Variants in E2F8 observed in about 807,000 individuals in gnomAD.
E2F8 encodes the protein transcription factor E2F8.
E2F8 carries 35 observed loss-of-function variants against 80.8 expected under a neutral mutation model. The observed-to-expected ratio is 0.43, with a 90% CI of 0.33 to 0.57. The LOEUF (loss-of-function observed/expected upper bound fraction) is 0.57, where lower values mean the gene tolerates loss of function less well. Ranked by LOEUF, E2F8 falls within the 20% of genes least tolerant of loss-of-function variation. The pLI is 0.04. For missense variants in E2F8, 975 were observed against 1,056.2 expected, an observed-to-expected ratio of 0.92 and a Z score of 1.07; for synonymous variants, 386 against 395.0, an observed-to-expected ratio of 0.98 and a Z score of 0.27.
rs1288903002 is a variant in E2F8, at chr11:19,230,273, A to G, written c.1326T>C (p.Ala442=). ...GCTCTTCTAACTGCATTTTACAAATAGCTGCGAGCTGAGCCATTTTACTTG... is the reference window on the plus strand; with the variant it reads ...GCTCTTCTAACTGCATTTTACAAATGGCTGCGAGCTGAGCCATTTTACTTG... ...PFPSKMAQLA[A]ICKMQLEEQS... is the part of the protein sequence containing the mutation. Residue 442 remains alanine (A), a synonymous_variant, in exon 9 of 13, where the codon GCT becomes GCC. Transcript: ENST00000250024. 1.2e-6 allele frequency: 2 copies of G among 1,613,886 alleles called. No homozygotes were observed. Among genetic ancestry groups the G allele is most frequent in the East Asian group, 4.5e-5 (2 of 44,882 alleles).
At chr11:19,225,991 C>A (rs1660074395) in intron 10 of E2F8, 127 bp from the exon 11 acceptor site, 2 of 1,137,358 alleles carry the variant, frequency 1.8e-6, no homozygotes, top group Non-Finnish European at 2.5e-6. Flanking sequence ...GCGGAGTGGG[C>A]TGCAGGCAGG....
At chr11:19,233,572 C>T (rs910937975) in intron 6 of E2F8, among the ~76,000 whole-genome samples, 4 of 152,030 alleles carry the variant, frequency 2.6e-5, no homozygotes, top group Non-Finnish European at 5.9e-5. Context: ...ACTGCAAGCG[C>T]CGCCTCCCAG....
At chr11:19,237,594 G>T in intron 3 of E2F8, 124 bp from the exon 4 acceptor site, 1 of 1,159,862 alleles carries the variant, frequency 8.6e-7, no homozygotes. Flanking sequence ...TGCAAAGTCT[G>T]GATGGGAGAA....
In E2F8 at chr11:19,240,090, C is replaced by A; in HGVS notation, c.15+17G>T. ...GAATTTAAAATTGCAATGATGAATA[C>A]TGAAGTTATAAAGTACCTTTTCGTT... On this transcript the variant is annotated intron_variant, in intron 2 of 12. Transcript: ENST00000250024. 1 of 1,520,228 alleles carries A rather than the reference C, an allele frequency of 6.6e-7. No individual in the cohort carries two copies. Among genetic ancestry groups the A allele is most frequent in the Non-Finnish European group, 8.9e-7 (1 of 1,128,164 alleles). The allele number at this position is 1,520,228 out of a possible 1,614,324, so 94.2% of individuals were successfully genotyped here. A position where few individuals can be genotyped will look rare whatever the true frequency, so the allele number is the denominator to read the frequency against.
chr11:19,233,636 C>T (rs1190152971), intron 6 of E2F8, among the ~76,000 whole-genome samples: 1 of 151,876 alleles, frequency 6.6e-6, no homozygotes, highest in African/African-American at 2.4e-5. Context: ...TACAGGTGCA[C>T]GCCACCACGC....
At chr11:19,230,471 A>G in intron 8 of E2F8, 143 bp from the exon 9 acceptor site, 2 of 1,189,258 alleles carry the variant, frequency 1.7e-6, no homozygotes, top group East Asian at 2.5e-5. Flanking sequence ...AACCCCACAA[A>G]TGACTTTTTA....
Position 19,225,867 on chromosome 11 carries a change from A to G in E2F8, c.1894-3T>C, listed in dbSNP as rs1163357096. ...AGGTATCCTGATGGGAACAAGGTCT[A>G]GAAAACAAGGAGGAAGGGTTTATTT... On this transcript the variant is annotated splice_polypyrimidine_tract_variant and splice_region_variant and intron_variant, in intron 10 of 12. Transcript: ENST00000250024. 1 of 1,612,040 alleles carries G rather than the reference A, an allele frequency of 6.2e-7. No homozygotes were observed. Among genetic ancestry groups the G allele is most frequent in the African/African-American group, 1.3e-5 (1 of 74,804 alleles).
At chr11:19,231,085 T>C in intron 7 of E2F8, among the ~76,000 whole-genome samples, 1 of 152,198 alleles carries the variant, frequency 6.6e-6, no homozygotes, top group East Asian at 1.9e-4. Context: ...AGAGTGTAGT[T>C]ATTAGTGATT....
Position 19,231,351 on chromosome 11 carries a change from G to A in E2F8, c.1067-517C>T, listed in dbSNP as rs141936851. 1.8e-4 allele frequency among the ~76,000 whole-genome samples: 28 copies of A among 152,300 alleles called. No homozygotes were observed. The East Asian group carries it at 2.9e-3, about 16-fold the overall frequency. Reference sequence around the variant, plus strand: ...GAATTTTCACTCCAAATTCCTGCACGAAAGGACCTCTCTCTGAGATTATAC... The same window carrying A: ...GAATTTTCACTCCAAATTCCTGCACAAAAGGACCTCTCTCTGAGATTATAC... On this transcript the variant is annotated intron_variant, in intron 7 of 12. Coordinates refer to ENST00000250024, the MANE Select transcript of E2F8 (RefSeq NM_024680.4).
intron 7 of E2F8, among the ~76,000 whole-genome samples, chr11:19,231,748 C>A (rs1049794635): frequency 7.9e-5 from 12 of 152,210 alleles, no homozygotes; most frequent in African/African-American, 2.7e-4. Context: ...AATGCTTTCA[C>A]ATACAGATTG....
At position 19,225,523 on chromosome 11, in the gene E2F8, C is replaced by T. The variant is rs571983830; in HGVS notation, c.2119G>A (p.Val707Met). 3.7e-5 allele frequency: 60 copies of T among 1,614,058 alleles called. 1 individual carries two copies. Among genetic ancestry groups the T allele is most frequent in the South Asian group, 1.4e-4 (13 of 91,080 alleles). The change falls in exon 12 of 13, where the codon GTG becomes ATG. Residue 707 changes from valine to methionine, a missense_variant. Physicochemically the swap from Val to Met is conservative, Grantham distance 21. Transcript: ENST00000250024. ...CTGTTCCCGACAGGTACGGCTGCCACGGAAGTTGGTGAGACCATTAGCTTC... is the reference window on the plus strand; with the variant it reads ...CTGTTCCCGACAGGTACGGCTGCCATGGAAGTTGGTGAGACCATTAGCTTC... ...PLKLMVSPTS[V>M]AAVPVGNSPA...
chr11:19,234,374 T>C lies in E2F8; in HGVS notation c.914A>G (p.Lys305Arg). 1 of 1,613,950 alleles carries C rather than the reference T, an allele frequency of 6.2e-7. No homozygotes were observed. Among genetic ancestry groups the C allele is most frequent in the Non-Finnish European group, 8.5e-7 (1 of 1,180,000 alleles). ...ATGACACTTACTTTTAAACTTGCTT[T>C]TATCCAAATCTTCCACATGGTCCTC... Reference protein sequence around the residue: ...IGEDHVEDLDKSKFKTKIRRL... With the variant: ...IGEDHVEDLDRSKFKTKIRRL... Residue 305 changes from lysine to arginine, a missense_variant, in exon 6 of 13, where the codon AAA becomes AGA. Transcript: ENST00000250024.
chr11:19,228,750 A>G lies in E2F8; in HGVS notation c.1893+704T>C, dbSNP rs114352391. Among the ~76,000 whole-genome samples, 704 of 152,360 alleles carry G rather than the reference A, an allele frequency of 4.6e-3. 4 individuals are homozygous for G. The highest frequency in any genetic ancestry group is 0.016 in the African/African-American group (673 of 41,576). Reference sequence around the variant, plus strand: ...GATGATACAGTAATGTCTCTCATATATAATTGTCCTAAGGGAGGAAAATGA... The same window carrying G: ...GATGATACAGTAATGTCTCTCATATGTAATTGTCCTAAGGGAGGAAAATGA... On this transcript the variant is annotated intron_variant, in intron 10 of 12. Coordinates refer to ENST00000250024, the MANE Select transcript of E2F8 (RefSeq NM_024680.4).
chr11:19,232,080 G>GA (rs1420303919), intron 7 of E2F8, among the ~76,000 whole-genome samples, 154 bp downstream of exon 7: 2 of 152,188 alleles, frequency 1.3e-5, no homozygotes, highest in Non-Finnish European at 2.9e-5. Context: ...CATAGGAATA[G>GA]AAAATCAAAC....
intron 6 of E2F8, among the ~76,000 whole-genome samples, chr11:19,234,148 A>AG (rs1851451855): frequency 6.7e-6 from 1 of 149,756 alleles, no homozygotes; most frequent in Admixed American, 6.6e-5. Flanking sequence ...CTCCGTCTAA[A>AG]AAAAAAAAAA....
At position 19,232,215 on chromosome 11, in the gene E2F8, G is replaced by A; in HGVS notation, c.1066+19C>T. 3 of 1,609,656 alleles carry A rather than the reference G, an allele frequency of 1.9e-6. No individual in the cohort carries two copies. Among genetic ancestry groups the A allele is most frequent in the South Asian group, 2.2e-5 (2 of 90,448 alleles). On this transcript the variant is annotated intron_variant, in intron 7 of 12. Coordinates refer to ENST00000250024, the MANE Select transcript of E2F8 (RefSeq NM_024680.4). ...ACACACAAATAATAAAGCAGAGGGT[G>A]AAAGAAAAAAATACATACCACTGGT...
At chr11:19,239,469 C>A (rs1038552883) in intron 2 of E2F8, among the ~76,000 whole-genome samples, 2 of 152,014 alleles carry the variant, frequency 1.3e-5, no homozygotes, top group Non-Finnish European at 2.9e-5. Context: ...CTTTTTTAAA[C>A]CTATTAGTAG....
chr11:19,240,371 A>T, intron 1 of E2F8, 141 bp from the exon 2 acceptor site: 1 of 297,486 alleles, frequency 3.4e-6, no homozygotes, highest in East Asian at 5.1e-5. Flanking sequence ...ATTCTCGACC[A>T]GAGATCGCCC....
intron 7 of E2F8, 85 bp from the exon 8 acceptor site, chr11:19,230,919 A>G (rs906846515): frequency 1.5e-6 from 2 of 1,315,018 alleles, no homozygotes; most frequent in Non-Finnish European, 2.1e-6. Flanking sequence ...TAGGAATAAA[A>G]GTGGCAAGTT....
Sources: gnomAD v4.1 joint callset for allele counts (sites outside exome capture counted in the v4.1 genomes callset) on GRCh38, gnomAD v4.1.1 for gene constraint, MANE v1.5 for transcripts, NCBI Gene and HGNC (gene_info 2026-07-23, HGNC 2026-07-21) for gene names.